Variants in PTPRT observed in about 807,000 individuals in gnomAD.
PTPRT encodes the protein receptor-type tyrosine-protein phosphatase T.
Under a neutral mutation model 176.8 loss-of-function variants are expected in PTPRT, and 56 were observed. The observed-to-expected ratio is 0.32, with a 90% CI of 0.26 to 0.40. PTPRT has a LOEUF of 0.40. Ranked by LOEUF, PTPRT falls within the 10% of genes least tolerant of loss-of-function variation. The pLI, the probability that PTPRT is intolerant of heterozygous loss-of-function variation, is 1.00. For synonymous variants in PTPRT, 783 were observed against 739.0 expected, an observed-to-expected ratio of 1.06 and a Z score of -0.96; for missense variants, 1,540 against 1,908.2, an observed-to-expected ratio of 0.81 and a Z score of 3.60.
intron 9 of PTPRT, among the ~76,000 whole-genome samples, chr20:42,425,798 G>A (rs2059158038): frequency 6.6e-6 from 1 of 152,156 alleles, no homozygotes; most frequent in Non-Finnish European, 1.5e-5. Flanking sequence ...TGAGATGATT[G>A]AGGCAAGCAG....
intron 9 of PTPRT, among the ~76,000 whole-genome samples, chr20:42,406,327 T>C (rs962461800): frequency 1.3e-5 from 2 of 151,840 alleles, no homozygotes; most frequent in African/African-American, 4.8e-5. Flanking sequence ...GTATAACATA[T>C]TAAAAAAGAG....
chr20:43,083,345 T>TACACATAC (rs1555828966), intron 1 of PTPRT, among the ~76,000 whole-genome samples: 2 of 117,378 alleles, frequency 1.7e-5, no homozygotes, highest in African/African-American at 6.2e-5. Flanking sequence ...TATATATATA[T>TACACATAC]ATATATATAT....
At chr20:42,519,691 G>A (rs2072134971) in intron 7 of PTPRT, among the ~76,000 whole-genome samples, 1 of 152,002 alleles carries the variant, frequency 6.6e-6, no homozygotes, top group Non-Finnish European at 1.5e-5. Flanking sequence ...GTCCTTATTT[G>A]ATCAATTTTA....
intron 12 of PTPRT, among the ~76,000 whole-genome samples, chr20:42,310,003 A>G (rs1490231722): frequency 1.3e-5 from 2 of 152,106 alleles, no homozygotes; most frequent in African/African-American, 4.8e-5. Context: ...TTCTCTGGAG[A>G]TGTGAGATTG....
At chr20:42,141,823 T>C (rs926217467) in intron 18 of PTPRT, 92 bp downstream of exon 18, 7 of 1,209,916 alleles carry the variant, frequency 5.8e-6, no homozygotes, top group Non-Finnish European at 8.5e-6. Context: ...AAAGATTATT[T>C]GATAACAAAT....
intron 7 of PTPRT, among the ~76,000 whole-genome samples, chr20:42,610,658 T>A (rs939884809): frequency 1.3e-5 from 2 of 152,194 alleles, no homozygotes; most frequent in African/African-American, 4.8e-5. Flanking sequence ...TTTTTCTTTT[T>A]CTGTTGTTGT....
chr20:42,112,559 C>T (rs1379092870), intron 22 of PTPRT, among the ~76,000 whole-genome samples: 1 of 152,114 alleles, frequency 6.6e-6, no homozygotes, highest in Non-Finnish European at 1.5e-5. Context: ...CACCTGAGGC[C>T]CCTTTGCCTC....
At chr20:42,735,054 T>A (rs2076518543) in intron 6 of PTPRT, among the ~76,000 whole-genome samples, 1 of 152,228 alleles carries the variant, frequency 6.6e-6, no homozygotes, top group Non-Finnish European at 1.5e-5. Context: ...CAATAAGGAA[T>A]TGGGATATAG....
intron 6 of PTPRT, among the ~76,000 whole-genome samples, chr20:42,712,493 T>C (rs1302034022): frequency 1.3e-5 from 2 of 152,158 alleles, no homozygotes; most frequent in African/African-American, 2.4e-5. Context: ...CCTGAGGTTA[T>C]GCAAGATCAC....
intron 17 of PTPRT, among the ~76,000 whole-genome samples, chr20:42,150,485 C>G: frequency 6.6e-6 from 1 of 152,288 alleles, no homozygotes; most frequent in East Asian, 1.9e-4. Flanking sequence ...TTCTCCACAC[C>G]CCTGTCCAAC....
chr20:42,435,500 C>T (rs1405981459), intron 9 of PTPRT, among the ~76,000 whole-genome samples: 1 of 151,996 alleles, frequency 6.6e-6, no homozygotes, highest in African/African-American at 2.4e-5. Context: ...GACAGGGGCC[C>T]CTAGCATGCT....
chr20:42,976,976 T>C (rs536824035), intron 1 of PTPRT, among the ~76,000 whole-genome samples: 80 of 152,172 alleles, frequency 5.3e-4, no homozygotes, highest in Admixed American at 1.2e-3. Context: ...AGGTCATGTA[T>C]GACATAATCT....
intron 7 of PTPRT, among the ~76,000 whole-genome samples, chr20:42,491,940 T>C (rs958428220): frequency 1.3e-5 from 2 of 152,184 alleles, no homozygotes; most frequent in African/African-American, 2.4e-5. Context: ...TAATATACTA[T>C]GTAACATTTT....
chr20:42,551,690 T>G (rs550886157), intron 7 of PTPRT, among the ~76,000 whole-genome samples: 1 of 152,146 alleles, frequency 6.6e-6, no homozygotes, highest in Non-Finnish European at 1.5e-5. Context: ...GTCTGCCCCT[T>G]GAACTCTCTG....
At chr20:42,956,979 T>C (rs1031621890) in intron 1 of PTPRT, among the ~76,000 whole-genome samples, 5 of 152,100 alleles carry the variant, frequency 3.3e-5, no homozygotes, top group Non-Finnish European at 5.9e-5. Context: ...AAACCACCCA[T>C]TGGAAATGCA....
At chr20:42,820,877 C>A (rs1049629073) in intron 2 of PTPRT, among the ~76,000 whole-genome samples, 1 of 152,092 alleles carries the variant, frequency 6.6e-6, no homozygotes, top group African/African-American at 2.4e-5. Flanking sequence ...AAGTCAAAAC[C>A]CTGAATGGAC....
At chr20:42,820,516 G>A (rs968308393) in intron 2 of PTPRT, among the ~76,000 whole-genome samples, 12 of 151,678 alleles carry the variant, frequency 7.9e-5, no homozygotes, top group African/African-American at 2.4e-4. Context: ...TACCTAGAGA[G>A]GCAAGAGCAA....
At chr20:42,500,750 T>A (rs1428114351) in intron 7 of PTPRT, among the ~76,000 whole-genome samples, 1 of 152,180 alleles carries the variant, frequency 6.6e-6, no homozygotes, top group Middle Eastern at 3.2e-3. Context: ...ATAAGAAAGT[T>A]CTTTTCTATT....
chr20:42,677,340 AG>A, intron 7 of PTPRT, among the ~76,000 whole-genome samples: 1 of 152,132 alleles, frequency 6.6e-6, no homozygotes, highest in Non-Finnish European at 1.5e-5. Context: ...GAAGCCCCCA[AG>A]GACATAGTCT....
Sources: allele counts gnomAD v4.1 joint callset (sites outside exome capture counted in the v4.1 genomes callset), GRCh38; gene constraint gnomAD v4.1.1; transcripts MANE v1.5; gene names NCBI Gene and HGNC (gene_info 2026-07-23, HGNC 2026-07-21).